PDE11A: variants seen among roughly 807,000 people sequenced by gnomAD.
PDE11A encodes the protein phosphodiesterase 11A, also known as dual 3',5'-cyclic-AMP and -GMP phosphodiesterase 11A.
PDE11A carries 100 observed loss-of-function variants against 100.5 expected under a neutral mutation model. The ratio of observed to expected loss-of-function variants is 1.00; its 90% confidence interval spans 0.85 to 1.18. The LOEUF is 1.18. PDE11A is among the 50% of genes most tolerant of loss of function. The probability of loss-of-function intolerance (pLI) is 0.00; values close to 1 mark genes in which losing one functional copy is unlikely to be tolerated. For synonymous variants in PDE11A, 381 were observed against 420.8 expected (o/e 0.91, Z 1.16); for missense variants, 1,141 against 1,152.6 (o/e 0.99, Z 0.15).
At chr2:177,824,719 C>A (rs562124475) in intron 6 of PDE11A, among the ~76,000 whole-genome samples, 87 of 152,236 alleles carry the variant, frequency 5.7e-4, no homozygotes, top group Admixed American at 1.4e-3. Context: ...GAATATTCAA[C>A]TGAAGGCAGT....
chr2:177,742,875 C>T (rs1329009082), intron 10 of PDE11A, among the ~76,000 whole-genome samples: 2 of 152,160 alleles, frequency 1.3e-5, no homozygotes, highest in Non-Finnish European at 2.9e-5. Context: ...TTTTAATCCC[C>T]ATCCTGAAAA....
intron 5 of PDE11A, among the ~76,000 whole-genome samples, chr2:177,875,412 C>G (rs2084216434): frequency 6.6e-6 from 1 of 151,848 alleles, no homozygotes; most frequent in African/African-American, 2.4e-5. Flanking sequence ...GAGTCTCGCT[C>G]TGTCACCCAG....
At chr2:177,972,897 C>A (rs374208978) in intron 2 of PDE11A, among the ~76,000 whole-genome samples, 88 of 152,274 alleles carry the variant, frequency 5.8e-4, no homozygotes, top group African/African-American at 2.0e-3. Context: ...ATCTGCTAAA[C>A]TGAGAGAAGG....
chr2:178,066,194 C>G (rs2087041135), intron 1 of PDE11A, among the ~76,000 whole-genome samples: 1 of 151,988 alleles, frequency 6.6e-6, no homozygotes, highest in Non-Finnish European at 1.5e-5. Context: ...GCATTGAAAA[C>G]AGCCTATAAT....
intron 12 of PDE11A, among the ~76,000 whole-genome samples, chr2:177,720,021 A>G (rs973045944): frequency 1.3e-5 from 2 of 151,632 alleles, no homozygotes; most frequent in African/African-American, 4.8e-5. Flanking sequence ...ATCACCCCCA[A>G]GTTCAGCACA....
chr2:177,660,054 T>TC (rs758422023), intron 19 of PDE11A, among the ~76,000 whole-genome samples: 2,464 of 13,992 alleles, frequency 0.18, 282 homozygotes, highest in East Asian at 0.53. Flanking sequence ...TTTCTTTCTT[T>TC]CTTTCTTTCT....
intron 10 of PDE11A, among the ~76,000 whole-genome samples, chr2:177,748,345 C>T (rs892305362): frequency 1.4e-4 from 22 of 152,106 alleles, no homozygotes; most frequent in Non-Finnish European, 2.9e-5. Flanking sequence ...TGCATGCTAA[C>T]CCATCAGAGA....
At chr2:177,669,768 G>A (rs577882154) in intron 17 of PDE11A, among the ~76,000 whole-genome samples, 8 of 152,334 alleles carry the variant, frequency 5.3e-5, no homozygotes, top group Non-Finnish European at 1.0e-4. Context: ...AGGACAACTT[G>A]TGCAATGTAA....
At chr2:177,937,004 C>T (rs1287375317) in intron 2 of PDE11A, among the ~76,000 whole-genome samples, 2 of 151,888 alleles carry the variant, frequency 1.3e-5, no homozygotes, top group East Asian at 3.9e-4. Flanking sequence ...CTTCAATTTT[C>T]TGAAAGTTTA....
chr2:177,690,267 G>T (rs2081023649), intron 15 of PDE11A, among the ~76,000 whole-genome samples: 2 of 152,114 alleles, frequency 1.3e-5, no homozygotes, highest in African/African-American at 4.8e-5. Flanking sequence ...AAGTCATCAG[G>T]CTCTGTTAAA....
intron 10 of PDE11A, among the ~76,000 whole-genome samples, chr2:177,757,151 T>C (rs185287237): frequency 6.6e-6 from 1 of 152,114 alleles, no homozygotes; most frequent in Non-Finnish European, 1.5e-5. Flanking sequence ...AATAGTAGGG[T>C]TTTTGTGAAG....
chr2:177,959,240 G>C (rs944304942), intron 2 of PDE11A, among the ~76,000 whole-genome samples: 1 of 152,154 alleles, frequency 6.6e-6, no homozygotes, highest in Non-Finnish European at 1.5e-5. Flanking sequence ...CCTATGGCTG[G>C]AGAGTATTGA....
At chr2:177,718,331 G>A (rs1475426060) in intron 12 of PDE11A, among the ~76,000 whole-genome samples, 1 of 152,212 alleles carries the variant, frequency 6.6e-6, no homozygotes, top group Non-Finnish European at 1.5e-5. Flanking sequence ...CCCAGTCTGT[G>A]TTCTTACTTA....
At chr2:177,965,638 C>G (rs1335186918) in intron 2 of PDE11A, among the ~76,000 whole-genome samples, 3 of 152,080 alleles carry the variant, frequency 2.0e-5, no homozygotes, top group Non-Finnish European at 4.4e-5. Context: ...ATTGCCTGTT[C>G]TTGTCAACTT....
intron 2 of PDE11A, among the ~76,000 whole-genome samples, chr2:178,097,227 A>T (rs772680542): frequency 1.3e-5 from 2 of 152,094 alleles, no homozygotes; most frequent in Non-Finnish European, 2.9e-5. Context: ...CAGTGCCCCA[A>T]ACCCCTGGTA....
intron 17 of PDE11A, among the ~76,000 whole-genome samples, chr2:177,673,139 T>A (rs2080710152): frequency 6.6e-6 from 1 of 152,212 alleles, no homozygotes; most frequent in African/African-American, 2.4e-5. Flanking sequence ...AATGTGGATG[T>A]GGTTATGGGC....
At chr2:177,829,853 G>A (rs2083283115) in intron 6 of PDE11A, among the ~76,000 whole-genome samples, 1 of 152,096 alleles carries the variant, frequency 6.6e-6, no homozygotes, top group African/African-American at 2.4e-5. Flanking sequence ...CCTTGAGTGT[G>A]GACAGGGCCT....
chr2:177,696,851 C>T (rs978807948), intron 15 of PDE11A, among the ~76,000 whole-genome samples: 1 of 152,100 alleles, frequency 6.6e-6, no homozygotes, highest in East Asian at 1.9e-4. Flanking sequence ...GGTGCAATTT[C>T]CAGCTTAGAG....
intron 2 of PDE11A, among the ~76,000 whole-genome samples, chr2:177,962,852 A>C (rs2105790891): frequency 6.6e-6 from 1 of 150,432 alleles, no homozygotes. Flanking sequence ...AAGAAAAAAA[A>C]TCTCAAAAAA....
Sources: allele counts gnomAD v4.1 joint callset (sites outside exome capture counted in the v4.1 genomes callset), GRCh38; gene constraint gnomAD v4.1.1; transcripts MANE v1.5; gene names NCBI Gene and HGNC (gene_info 2026-07-23, HGNC 2026-07-21).